Variants in FAM161A observed in about 807,000 individuals in gnomAD.
FAM161A encodes the protein protein FAM161A.
In FAM161A, 57 loss-of-function variants were observed where a neutral mutation model predicts 70.9. The observed-to-expected ratio is 0.80, with a 90% confidence interval of 0.65 to 1.00. FAM161A has a LOEUF of 1.00. Ranked by LOEUF, FAM161A falls within the 50% of genes least tolerant of loss-of-function variation. The probability of loss-of-function intolerance (pLI) is 0.00; values close to 1 mark genes in which losing one functional copy is unlikely to be tolerated. For missense variants in FAM161A, 880 were observed against 836.0 expected, an observed-to-expected ratio of 1.05 and a Z score of -0.65; for synonymous variants, 299 against 295.7, an observed-to-expected ratio of 1.01 and a Z score of -0.12.
chr2:61,846,387 C>T (rs188638167), intron 1 of FAM161A, among the ~76,000 whole-genome samples: 14 of 152,260 alleles, frequency 9.2e-5, no homozygotes, highest in African/African-American at 2.9e-4. Context: ...TGGTTTCAGC[C>T]CCCTTATGAC....
Position 61,840,172 on chromosome 2 carries a change from A to C in FAM161A, c.832T>G (p.Tyr278Asp). ...ALKKQEEDPE[Y>D]KKKFRANPVP... ...GGATTGGCTCGGAATTTCTTCTTAT[A>C]CTCTGGATCCTCTTCTTGTTTTTTG... The change falls in exon 3 of 7, where the codon TAT (tyrosine) becomes GAT (aspartate). Residue 278 changes from tyrosine (Y) to aspartate (D), a missense_variant. Tyr to Asp is a radical substitution (Grantham distance 160, BLOSUM62 -3). Coordinates refer to ENST00000404929, the MANE Select transcript of FAM161A (RefSeq NM_001201543.2). 1 of 1,613,708 alleles carries C rather than the reference A, an allele frequency of 6.2e-7. No individual in the cohort carries two copies. Among genetic ancestry groups the C allele is most frequent in the Non-Finnish European group, 8.5e-7 (1 of 1,179,964 alleles).
chr2:61,842,367 G>A lies in FAM161A; in HGVS notation c.184-7C>T. 1 of 1,517,468 alleles carries A rather than the reference G, an allele frequency of 6.6e-7. No individual in the cohort carries two copies. The highest frequency in any genetic ancestry group is 9.0e-7 in the Non-Finnish European group (1 of 1,114,454). The allele number at this position is 1,517,468 out of a possible 1,614,324, so 94.0% of individuals were successfully genotyped here. A position where few individuals can be genotyped will look rare whatever the true frequency, so the allele number is the denominator to read the frequency against. ...AGCTGGTGTTCAAATCAGCCTGGTG[G>A]GGAGAAAACACTTGATATATAGTGA... is the stretch of plus-strand genomic sequence containing the variant. On this transcript the variant is annotated splice_region_variant and splice_polypyrimidine_tract_variant and intron_variant, in intron 1 of 6. Transcript: ENST00000404929.
intron 5 of FAM161A, among the ~76,000 whole-genome samples, chr2:61,834,906 A>C (rs2105071960): frequency 6.6e-6 from 1 of 152,350 alleles, no homozygotes. Flanking sequence ...GCTGGAGATA[A>C]TGTCTTTGAG....
At chr2:61,802,116 G>A in the FAM161A span, among the ~76,000 whole-genome samples, 2 of 152,178 alleles carry the variant, frequency 1.3e-5, no homozygotes, top group African/African-American at 4.8e-5. Context: ...AAAATGAACT[G>A]TTTGTTATAG....
At chr2:61,804,147 G>A in the FAM161A span, among the ~76,000 whole-genome samples, 1 of 152,132 alleles carries the variant, frequency 6.6e-6, no homozygotes, top group Admixed American at 6.5e-5. Flanking sequence ...ACGTTGCCAT[G>A]GCATTTGTAA....
At chr2:61,838,895 T>TA (rs61041215) in intron 3 of FAM161A, among the ~76,000 whole-genome samples, 190 bp from the exon 4 acceptor site, 30,479 of 145,222 alleles carry the variant, frequency 0.21, 3,424 homozygotes, top group Middle Eastern at 0.24. Flanking sequence ...TTTATTTATT[T>TA]TTTTTGAGAT....
In FAM161A at chr2:61,839,790, C is replaced by A. The variant is rs758879412; in HGVS notation, c.1214G>T (p.Gly405Val). ...SSPLPCRSACGCRNPRCPEQA... is the reference protein window; with the variant it reads ...SSPLPCRSACVCRNPRCPEQA... ...TTCAGGACACCTGGGGTTCCTGCAT[C>A]CACAAGCTGACCTACAAGGCAGAGG... The change falls in exon 3 of 7, where the codon GGA (glycine) becomes GTA (valine). Residue 405 changes from glycine to valine, a missense_variant. Physicochemically the swap from Gly to Val is moderately radical, Grantham distance 109. Coordinates refer to ENST00000404929, the MANE Select transcript of FAM161A (RefSeq NM_001201543.2). 6.2e-7 allele frequency: 1 copy of A among 1,614,136 alleles called. No homozygotes were observed. The highest frequency in any genetic ancestry group is 1.1e-5 in the South Asian group (1 of 91,080).
the FAM161A span, among the ~76,000 whole-genome samples, chr2:61,801,384 C>G: frequency 1.3e-5 from 2 of 151,444 alleles, no homozygotes; most frequent in African/African-American, 4.8e-5. Context: ...GTAATCCCAG[C>G]TACTTGGAAG....
chr2:61,809,457 A>G, the FAM161A span, among the ~76,000 whole-genome samples: 1 of 152,030 alleles, frequency 6.6e-6, no homozygotes, highest in African/African-American at 2.4e-5. Flanking sequence ...CATAAATCCA[A>G]CTGCCAGTTC....
Position 61,839,521 on chromosome 2 carries a change from G to A in FAM161A, c.1483C>T (p.Arg495Cys), listed in dbSNP as rs759263986. The change falls in exon 3 of 7, where the codon CGT becomes TGT. Residue 495 changes from arginine to cysteine, a missense_variant. Transcript: ENST00000404929. ...ETRWPYLSPRRKSPVRCAGVN... is the reference protein window; with the variant it reads ...ETRWPYLSPRCKSPVRCAGVN... ...CCTGCACATCTTACTGGTGACTTAC[G>A]CCTTGGAGACAAATAAGGCCAACGT... 29 of 1,614,046 alleles carry A rather than the reference G, an allele frequency of 1.8e-5. 1 individual carries two copies. The highest frequency in any genetic ancestry group is 7.7e-5 in the South Asian group (7 of 91,086).
chr2:61,806,088 C>T, the FAM161A span, among the ~76,000 whole-genome samples: 1 of 151,974 alleles, frequency 6.6e-6, no homozygotes, highest in Non-Finnish European at 1.5e-5. Flanking sequence ...TGTGGTGGCA[C>T]ATGCCTGTAA....
the FAM161A span, among the ~76,000 whole-genome samples, chr2:61,810,453 CT>C: frequency 9.5e-4 from 91 of 95,608 alleles, no homozygotes; most frequent in East Asian, 4.3e-3. Context: ...CCAGCACTTC[CT>C]TTTTTTTTTT....
At chr2:61,844,600 G>T (rs1673140282) in intron 1 of FAM161A, among the ~76,000 whole-genome samples, 1 of 152,180 alleles carries the variant, frequency 6.6e-6, no homozygotes. Flanking sequence ...TCGGGAGGCT[G>T]AAGCGGAAGA....
chr2:61,808,900 A>G, the FAM161A span, among the ~76,000 whole-genome samples: 9 of 151,646 alleles, frequency 5.9e-5, no homozygotes, highest in African/African-American at 2.2e-4. Flanking sequence ...TTGAGACAGA[A>G]TCTCGCTCTG....
At chr2:61,807,264 T>C in the FAM161A span, among the ~76,000 whole-genome samples, 1 of 150,460 alleles carries the variant, frequency 6.6e-6, no homozygotes. Flanking sequence ...GAAATGAAAC[T>C]CTGGAAATCC....
rs1228420712 is a variant in FAM161A, at chr2:61,840,150, T to C, written c.854A>G (p.Asn285Ser). ...DPEYKKKFRA[N>S]PVPASVFLPL... Reference sequence around the variant, plus strand: ...GAGAAAGACAGATGCAGGAACTGGATTGGCTCGGAATTTCTTCTTATACTC... The same window carrying C: ...GAGAAAGACAGATGCAGGAACTGGACTGGCTCGGAATTTCTTCTTATACTC... Residue 285 changes from asparagine (N) to serine (S), a missense_variant, in exon 3 of 7, where the codon AAT (asparagine) becomes AGT (serine). By Grantham distance (46) the Asn-to-Ser change is conservative. Coordinates refer to ENST00000404929, the MANE Select transcript of FAM161A (RefSeq NM_001201543.2). 5 of 1,614,086 alleles carry C rather than the reference T, an allele frequency of 3.1e-6. No homozygotes were observed. Among genetic ancestry groups the C allele is most frequent in the African/African-American group, 1.3e-5 (1 of 74,944 alleles).
intron 5 of FAM161A, 124 bp from the exon 6 acceptor site, chr2:61,827,382 G>A (rs1042366444): frequency 2.8e-5 from 24 of 860,582 alleles, no homozygotes; most frequent in Middle Eastern, 7.1e-4. Flanking sequence ...AGGCCGAGAC[G>A]GGTGGATCAC....
Position 61,838,542 on chromosome 2 carries a change from G to C in FAM161A, c.1747C>G (p.Leu583Val). 6.2e-7 allele frequency: 1 copy of C among 1,601,710 alleles called. No homozygotes were observed. The highest frequency in any genetic ancestry group is 8.5e-7 in the Non-Finnish European group (1 of 1,173,184). The change falls in exon 4 of 7, where the codon CTC becomes GTC. Residue 583 changes from leucine to valine, a missense_variant. By Grantham distance (32) the Leu-to-Val change is conservative (BLOSUM62 1). Transcript: ENST00000404929. Reference sequence around the variant, plus strand: ...TTCAAGATTTTTTCATGATACCTGAGACATTTTACTCTGGATTTAGATATT... The same window carrying C: ...TTCAAGATTTTTTCATGATACCTGACACATTTTACTCTGGATTTAGATATT... ...AQISKSRVKC[L>V]RKSEKERMRE...
the FAM161A span, among the ~76,000 whole-genome samples, chr2:61,816,719 G>A: frequency 2.6e-5 from 4 of 152,140 alleles, no homozygotes; most frequent in Admixed American, 2.0e-4. Flanking sequence ...TTCCCACTTC[G>A]GCCTCCCAAA....
Sources: gnomAD v4.1 joint callset for allele counts (sites outside exome capture counted in the v4.1 genomes callset) on GRCh38, gnomAD v4.1.1 for gene constraint, MANE v1.5 for transcripts, NCBI Gene and HGNC (gene_info 2026-07-23, HGNC 2026-07-21) for gene names.